TSNARE1: variants seen among roughly 807,000 people sequenced by gnomAD.
The protein encoded by TSNARE1 is t-SNARE domain-containing protein 1.
Under a neutral mutation model 62.0 loss-of-function variants are expected in TSNARE1, and 49 were observed. That is an observed-to-expected ratio of 0.79 (90% CI 0.63 to 1.00). TSNARE1 has a LOEUF of 1.00. Ranked by LOEUF, TSNARE1 falls within the 50% of genes least tolerant of loss-of-function variation. The pLI is 0.00. For missense variants in TSNARE1, 755 were observed against 700.1 expected, an observed-to-expected ratio of 1.08 and a Z score of -0.88; for synonymous variants, 328 against 294.4, an observed-to-expected ratio of 1.11 and a Z score of -1.17.
intron 10 of TSNARE1, among the ~76,000 whole-genome samples, chr8:142,295,238 C>T (rs1824485802): frequency 6.6e-6 from 1 of 152,260 alleles, no homozygotes; most frequent in Admixed American, 6.5e-5. Flanking sequence ...AGATGGTGGG[C>T]AGCCCCAGGT....
At chr8:142,262,605 C>A (rs2130413239) in intron 12 of TSNARE1, among the ~76,000 whole-genome samples, 1 of 152,228 alleles carries the variant, frequency 6.6e-6, no homozygotes, top group South Asian at 2.1e-4. Context: ...CGGTTTAATG[C>A]CATCCCCCTA....
intron 12 of TSNARE1, among the ~76,000 whole-genome samples, chr8:142,240,413 A>G (rs2130180671): frequency 6.6e-6 from 1 of 152,356 alleles, no homozygotes; most frequent in East Asian, 1.9e-4. Context: ...AGATTTCAAC[A>G]TATTCCTCTC....
At chr8:142,303,564 C>T (rs528319656) in intron 9 of TSNARE1, among the ~76,000 whole-genome samples, 62 of 152,348 alleles carry the variant, frequency 4.1e-4, no homozygotes, top group Non-Finnish European at 7.3e-4. Flanking sequence ...GCCCATGGTA[C>T]CCACCCTACG....
intron 13 of TSNARE1, among the ~76,000 whole-genome samples, chr8:142,219,504 C>T (rs1301484396): frequency 2.0e-5 from 3 of 152,234 alleles, no homozygotes; most frequent in Non-Finnish European, 2.9e-5. Context: ...TGATCTGTCC[C>T]TGGGCACCCA....
At chr8:142,312,836 T>C (rs1827811227) in intron 9 of TSNARE1, among the ~76,000 whole-genome samples, 1 of 152,226 alleles carries the variant, frequency 6.6e-6, no homozygotes, top group South Asian at 2.1e-4. Context: ...CCACCACTGC[T>C]GTTCAGTCTC....
intron 13 of TSNARE1, among the ~76,000 whole-genome samples, chr8:142,222,323 T>C (rs1332588719): frequency 0.072 from 1,267 of 17,500 alleles, 495 homozygotes; most frequent in African/African-American, 0.078. Context: ...CATCCACTAA[T>C]TCACTCACTC....
At chr8:142,296,616 G>A (rs1824799028) in intron 10 of TSNARE1, among the ~76,000 whole-genome samples, 1 of 152,036 alleles carries the variant, frequency 6.6e-6, no homozygotes, top group Admixed American at 6.5e-5. Context: ...CTCACCTTCT[G>A]TCAGGGCAGG....
intron 12 of TSNARE1, among the ~76,000 whole-genome samples, chr8:142,261,636 T>A (rs1818893713): frequency 6.6e-6 from 1 of 152,060 alleles, no homozygotes; most frequent in South Asian, 2.1e-4. Flanking sequence ...GCAGCATTTC[T>A]CCTTGCTCCT....
chr8:142,320,293 T>C (rs879706739), intron 6 of TSNARE1, among the ~76,000 whole-genome samples: 4 of 152,186 alleles, frequency 2.6e-5, no homozygotes, highest in Non-Finnish European at 5.9e-5. Context: ...AGCGCTGCTC[T>C]AAGCCCACGC....
chr8:142,375,284 G>A (rs1210866522), intron 1 of TSNARE1, among the ~76,000 whole-genome samples: 2 of 152,274 alleles, frequency 1.3e-5, no homozygotes, highest in Non-Finnish European at 2.9e-5. Flanking sequence ...TGAGGACAGG[G>A]GTGCACACCC....
At chr8:142,393,677 T>G (rs1199923826) in intron 1 of TSNARE1, among the ~76,000 whole-genome samples, 1 of 152,168 alleles carries the variant, frequency 6.6e-6, no homozygotes, top group Non-Finnish European at 1.5e-5. Context: ...CTCCACCACC[T>G]CCTGGAGCAG....
At chr8:142,338,660 G>A (rs1409574715) in intron 4 of TSNARE1, among the ~76,000 whole-genome samples, 1 of 152,274 alleles carries the variant, frequency 6.6e-6, no homozygotes, top group Non-Finnish European at 1.5e-5. Flanking sequence ...ACACTGGCCA[G>A]GCAGTTCCCC....
At chr8:142,345,003 T>C (rs1833162982) in intron 3 of TSNARE1, among the ~76,000 whole-genome samples, 1 of 152,024 alleles carries the variant, frequency 6.6e-6, no homozygotes, top group Non-Finnish European at 1.5e-5. Flanking sequence ...CAGCCTCGAC[T>C]TCCCCTCCCG....
rs1329353019 is a variant in TSNARE1, at chr8:142,344,002, G to A, written c.709C>T (p.Leu237=). 1.9e-6 allele frequency: 3 copies of A among 1,549,162 alleles called. No homozygotes were observed. In the African/African-American group the frequency reaches 4.1e-5, roughly 21 times the overall value. ...TCCAGACTGAAGCCCTCGGAGGGCA[G>A]GGCCTGGCAAGAGAAGGTCTTGGCC... ...VVAKTFSCQA[L]PSEGFSLEPP... The change falls in exon 4 of 14, where the codon CTG becomes TTG. Residue 237 remains leucine, a synonymous_variant. Coordinates refer to ENST00000524325, the MANE Select transcript of TSNARE1 (RefSeq NM_145003.5).
intron 1 of TSNARE1, chr8:142,365,778 T>G: frequency 4.0e-6 from 1 of 252,698 alleles, no homozygotes. Context: ...AGTCCTAAAT[T>G]AAACCTAAAA....
At chr8:142,217,039 C>T (rs994253840) in intron 13 of TSNARE1, among the ~76,000 whole-genome samples, 1 of 151,940 alleles carries the variant, frequency 6.6e-6, no homozygotes, top group Non-Finnish European at 1.5e-5. Flanking sequence ...GTCAGGAGAT[C>T]AAGACTATCC....
chr8:142,220,427 T>G (rs537890850), intron 13 of TSNARE1, among the ~76,000 whole-genome samples: 1 of 152,240 alleles, frequency 6.6e-6, no homozygotes, highest in East Asian at 1.9e-4. Flanking sequence ...TCAGGGAGGC[T>G]GGGTCTGGGT....
chr8:142,279,898 C>A, intron 11 of TSNARE1: 5 of 1,039,384 alleles, frequency 4.8e-6, no homozygotes, highest in Non-Finnish European at 5.8e-6. Flanking sequence ...GCCTTGGGGA[C>A]CGTGGGCAGA....
intron 1 of TSNARE1, among the ~76,000 whole-genome samples, chr8:142,398,788 G>A (rs1008254896): frequency 1.1e-4 from 16 of 152,194 alleles, no homozygotes; most frequent in African/African-American, 3.4e-4. Context: ...GTCCAGGCAG[G>A]AACACCCAGT....
Sources: allele counts gnomAD v4.1 joint callset (sites outside exome capture counted in the v4.1 genomes callset), GRCh38; gene constraint gnomAD v4.1.1; transcripts MANE v1.5; gene names NCBI Gene and HGNC (gene_info 2026-07-23, HGNC 2026-07-21).